Variants in GRID2 observed in about 807,000 individuals in gnomAD.
The protein encoded by GRID2 is glutamate receptor ionotropic, delta-2.
In GRID2, 33 loss-of-function variants were observed where a neutral mutation model predicts 114.8. That is an observed-to-expected ratio of 0.29 (90% CI 0.22 to 0.38). GRID2 has a LOEUF of 0.38. Ranked by LOEUF, GRID2 falls within the 10% of genes least tolerant of loss-of-function variation. The probability of loss-of-function intolerance (pLI) is 1.00; values close to 1 mark genes in which losing one functional copy is unlikely to be tolerated. For synonymous variants in GRID2, 505 were observed against 449.9 expected, an observed-to-expected ratio of 1.12 and a Z score of -1.55; for missense variants, 1,184 against 1,257.7, an observed-to-expected ratio of 0.94 and a Z score of 0.89.
chr4:92,531,017 A>T lies in GRID2; in HGVS notation c.89-59114A>T, dbSNP rs552488226. The stretch of plus-strand genomic sequence containing the variant: ...ATTTTATTGTGAATGTTACCTAAAA[A>T]GTCCTTATTATTTACAGGCATATAC... On this transcript the variant is annotated intron_variant, in intron 1 of 15. Transcript: ENST00000282020. Among the ~76,000 whole-genome samples, 7 of 152,286 alleles carry T rather than the reference A, an allele frequency of 4.6e-5. No individual in the cohort carries two copies. In the East Asian group the frequency reaches 9.7e-4, roughly 21 times the overall value.
intron 13 of GRID2, among the ~76,000 whole-genome samples, chr4:93,587,204 A>G (rs1560782201): frequency 6.6e-6 from 1 of 152,130 alleles, no homozygotes; most frequent in African/African-American, 2.4e-5. Flanking sequence ...CTATATAACT[A>G]TATTTAAAAT....
intron 2 of GRID2, among the ~76,000 whole-genome samples, chr4:92,834,959 CCT>C (rs1039997912): frequency 2.0e-5 from 3 of 152,010 alleles, no homozygotes; most frequent in Admixed American, 6.6e-5. Flanking sequence ...ATGATGAGAC[CCT>C]GTTTCCTCAA....
intron 1 of GRID2, among the ~76,000 whole-genome samples, chr4:92,584,852 C>T (rs1728352847): frequency 6.6e-6 from 1 of 152,010 alleles, no homozygotes; most frequent in African/African-American, 2.4e-5. Flanking sequence ...TACTCTACAT[C>T]TTGTAACCTT....
chr4:92,691,223 A>G (rs1351148596), intron 2 of GRID2, among the ~76,000 whole-genome samples: 1 of 152,148 alleles, frequency 6.6e-6, no homozygotes, highest in Non-Finnish European at 1.5e-5. Context: ...TTTTTATTTT[A>G]TATTTTATAT....
At chr4:93,284,453 A>G (rs955198724) in intron 8 of GRID2, among the ~76,000 whole-genome samples, 1 of 151,950 alleles carries the variant, frequency 6.6e-6, no homozygotes, top group Admixed American at 6.6e-5. Flanking sequence ...ACAACCCCCT[A>G]TGATACACAT....
Position 93,395,668 on chromosome 4 carries a change from A to C in GRID2, c.1307A>C (p.Asn436Thr). 1 of 1,580,240 alleles carries C rather than the reference A, an allele frequency of 6.3e-7. No homozygotes were observed. The highest frequency in any genetic ancestry group is 1.3e-5 in the African/African-American group (1 of 74,216). Reference protein sequence around the residue: ...NGSLTDKKLENNMRGVVLRVV... With the variant: ...NGSLTDKKLETNMRGVVLRVV... ...TCACTGACTGACAAGAAATTGGAGA[A>C]TAACATGCGTGGAGTGGTTCTACGT... Residue 436 changes from asparagine to threonine, a missense_variant, in exon 9 of 16, where the codon AAT (asparagine) becomes ACT (threonine). Asn to Thr is a moderately conservative substitution (Grantham distance 65). This residue lies in a region of GRID2 where 717 missense variants were observed against 796.9 expected (regional missense o/e 0.90). Coordinates refer to ENST00000282020, the MANE Select transcript of GRID2 (RefSeq NM_001510.4).
At chr4:92,615,217 G>A (rs984272039) in intron 2 of GRID2, among the ~76,000 whole-genome samples, 5 of 151,462 alleles carry the variant, frequency 3.3e-5, no homozygotes, top group African/African-American at 7.3e-5. Context: ...CCGAGGTGGG[G>A]TGGGGCAGGG....
chr4:92,591,224 C>T (rs1323505546), intron 2 of GRID2, among the ~76,000 whole-genome samples: 5 of 152,034 alleles, frequency 3.3e-5, no homozygotes, highest in Admixed American at 6.6e-5. Flanking sequence ...TTCTGCCATT[C>T]GAGGACTCAG....
chr4:92,820,884 C>T (rs531729087), intron 2 of GRID2, among the ~76,000 whole-genome samples: 1 of 151,936 alleles, frequency 6.6e-6, no homozygotes, highest in East Asian at 1.9e-4. Context: ...TGTATAATAT[C>T]AAATTAGATG....
intron 2 of GRID2, among the ~76,000 whole-genome samples, chr4:92,846,949 T>C (rs1414398931): frequency 6.6e-6 from 1 of 152,210 alleles, no homozygotes; most frequent in East Asian, 1.9e-4. Context: ...AGACAATCTG[T>C]CTTCAAAGCC....
intron 2 of GRID2, among the ~76,000 whole-genome samples, chr4:92,624,499 A>C (rs977109455): frequency 6.6e-6 from 1 of 151,898 alleles, no homozygotes; most frequent in Non-Finnish European, 1.5e-5. Flanking sequence ...TATAACAGCC[A>C]AATATCTCTT....
intron 1 of GRID2, among the ~76,000 whole-genome samples, chr4:92,503,075 T>C (rs1457469992): frequency 6.6e-6 from 1 of 152,102 alleles, no homozygotes; most frequent in East Asian, 1.9e-4. Flanking sequence ...TTCCTTGAAA[T>C]GTGGATACCT....
chr4:92,549,313 G>A (rs1052177473), intron 1 of GRID2, among the ~76,000 whole-genome samples: 6 of 152,214 alleles, frequency 3.9e-5, no homozygotes, highest in Non-Finnish European at 7.4e-5. Context: ...TACCATTAAT[G>A]TGATCTGAGA....
At position 93,455,553 on chromosome 4, in the gene GRID2, T is replaced by G. The variant is rs146718363; in HGVS notation, c.1546-109T>G. 956 of 663,568 alleles carry G rather than the reference T, an allele frequency of 1.4e-3. 8 individuals are homozygous for G. In the African/African-American group the frequency reaches 0.015, roughly 11 times the overall value. The allele number at this position is 663,568 out of a possible 1,614,324, so 41.1% of individuals were successfully genotyped here. A position where few individuals can be genotyped will look rare whatever the true frequency, so the allele number is the denominator to read the frequency against. ...AGTGTTTCAGTTTATATAAAAAGAT[T>G]TATATTGCCTGAGGCATCTATTTTT... On this transcript the variant is annotated intron_variant, in intron 10 of 15. Coordinates refer to ENST00000282020, the MANE Select transcript of GRID2 (RefSeq NM_001510.4).
At chr4:93,596,685 T>A (rs1578355935) in intron 13 of GRID2, among the ~76,000 whole-genome samples, 1 of 152,252 alleles carries the variant, frequency 6.6e-6, no homozygotes, top group East Asian at 1.9e-4. Context: ...TACATTGTTT[T>A]GTGTTGTAGC....
intron 11 of GRID2, among the ~76,000 whole-genome samples, chr4:93,477,736 A>T (rs1461722366): frequency 1.3e-5 from 2 of 152,162 alleles, no homozygotes; most frequent in African/African-American, 4.8e-5. Flanking sequence ...AGTGCATTTC[A>T]TTCATACTAT....
chr4:92,802,996 AGATAG>A (rs546227715), intron 2 of GRID2, among the ~76,000 whole-genome samples: 106 of 152,116 alleles, frequency 7.0e-4, no homozygotes, highest in Non-Finnish European at 1.4e-3. Context: ...CAGATCTAAG[AGATAG>A]GATAGAACTA....
At chr4:93,675,934 T>C (rs1048566306) in intron 14 of GRID2, among the ~76,000 whole-genome samples, 3 of 152,240 alleles carry the variant, frequency 2.0e-5, no homozygotes, top group Non-Finnish European at 2.9e-5. Context: ...CACTGAAAGA[T>C]AGCTTCCTTC....
At chr4:92,395,608 T>C (rs1426093311) in intron 1 of GRID2, among the ~76,000 whole-genome samples, 1 of 151,844 alleles carries the variant, frequency 6.6e-6, no homozygotes, top group African/African-American at 2.4e-5. Context: ...CTTGCCCCGA[T>C]ATATTTATTC....
Sources: allele counts gnomAD v4.1 joint callset (sites outside exome capture counted in the v4.1 genomes callset), GRCh38; gene constraint gnomAD v4.1.1; regional missense constraint gnomAD v4.1.1; transcripts MANE v1.5; gene names NCBI Gene and HGNC (gene_info 2026-07-23, HGNC 2026-07-21).